ADAMTS6: variants seen among roughly 807,000 people sequenced by gnomAD.
ADAMTS6 encodes the protein ADAM metallopeptidase with thrombospondin type 1 motif 6, also known as A disintegrin and metalloproteinase with thrombospondin motifs 6.
In ADAMTS6, 23 loss-of-function variants were observed where a neutral mutation model predicts 144.3. The ratio of observed to expected loss-of-function variants is 0.16; its 90% CI spans 0.11 to 0.23. The LOEUF is 0.23. Among genes scored for constraint, ADAMTS6 ranks in the 10% least tolerant of loss-of-function variants. The pLI is 1.00. For synonymous variants in ADAMTS6, 444 were observed against 457.5 expected (o/e 0.97, Z 0.38); for missense variants, 999 against 1,379.6 (o/e 0.72, Z 4.37).
intron 7 of ADAMTS6, among the ~76,000 whole-genome samples, chr5:65,445,391 G>T (rs1249777691): frequency 6.6e-6 from 1 of 152,140 alleles, no homozygotes; most frequent in African/African-American, 2.4e-5. Flanking sequence ...AGGCTGGAGT[G>T]CAGTGGTGCA....
chr5:65,216,552 T>C (rs535816730), intron 18 of ADAMTS6, among the ~76,000 whole-genome samples: 1 of 152,164 alleles, frequency 6.6e-6, no homozygotes, highest in East Asian at 1.9e-4. Context: ...TTTTATGTAA[T>C]GTTAATTTCA....
At chr5:65,396,745 T>C (rs1430660353) in intron 7 of ADAMTS6, among the ~76,000 whole-genome samples, 2 of 152,250 alleles carry the variant, frequency 1.3e-5, no homozygotes, top group Non-Finnish European at 2.9e-5. Flanking sequence ...TATTTGCTAA[T>C]ATTTTGTTAA....
chr5:65,221,490 G>A (rs1757320640), intron 18 of ADAMTS6, among the ~76,000 whole-genome samples: 1 of 152,078 alleles, frequency 6.6e-6, no homozygotes, highest in Non-Finnish European at 1.5e-5. Context: ...TCCTCAAACT[G>A]ACAAAGGTCA....
intron 9 of ADAMTS6, among the ~76,000 whole-genome samples, chr5:65,322,585 G>C (rs1428485038): frequency 2.3e-5 from 3 of 128,844 alleles, no homozygotes; most frequent in African/African-American, 8.9e-5. Context: ...TTTTTGTAGA[G>C]ATCTTTCACC....
At chr5:65,323,865 C>T (rs1310363610) in intron 9 of ADAMTS6, among the ~76,000 whole-genome samples, 3 of 152,268 alleles carry the variant, frequency 2.0e-5, no homozygotes, top group East Asian at 3.9e-4. Flanking sequence ...TCTCTGATGG[C>T]CAGTGATGAT....
At chr5:65,232,867 A>T (rs949597581) in intron 15 of ADAMTS6, among the ~76,000 whole-genome samples, 1 of 152,184 alleles carries the variant, frequency 6.6e-6, no homozygotes, top group Non-Finnish European at 1.5e-5. Flanking sequence ...CATTACCCTA[A>T]TAACAAGCCA....
intron 12 of ADAMTS6, among the ~76,000 whole-genome samples, chr5:65,265,288 T>C (rs1761524027): frequency 6.6e-6 from 1 of 152,210 alleles, no homozygotes; most frequent in African/African-American, 2.4e-5. Flanking sequence ...ACCAATAATA[T>C]AGTATCAACC....
At chr5:65,373,037 C>T (rs1364460241) in intron 7 of ADAMTS6, among the ~76,000 whole-genome samples, 5 of 152,042 alleles carry the variant, frequency 3.3e-5, no homozygotes, top group East Asian at 1.9e-4. Context: ...AAGGCAGAAA[C>T]AAAGATGTTC....
At chr5:65,260,757 T>C in intron 13 of ADAMTS6, 94 bp from the exon 14 acceptor site, 1 of 859,648 alleles carries the variant, frequency 1.2e-6, no homozygotes, top group Non-Finnish European at 1.8e-6. Flanking sequence ...TAAAGTTTAC[T>C]TTCAAAAAAT....
intron 1 of ADAMTS6, 41 bp downstream of exon 1, chr5:65,481,302 A>T (rs1761186843): frequency 6.7e-6 from 1 of 148,466 alleles, no homozygotes; most frequent in East Asian, 2.0e-4. Context: ...TGTTGGTTTA[A>T]AAAAAAAAAG....
At chr5:65,359,099 T>G (rs1380735543) in intron 7 of ADAMTS6, among the ~76,000 whole-genome samples, 1 of 152,126 alleles carries the variant, frequency 6.6e-6, no homozygotes, top group Non-Finnish European at 1.5e-5. Context: ...ACTTACAGAA[T>G]AGGAGAAAAT....
In ADAMTS6 at chr5:65,300,090, G is replaced by T. The variant is rs141694479; in HGVS notation, c.1265C>A (p.Thr422Lys). The T allele has an allele frequency of 1.2e-6, 2 of 1,613,804 alleles. No individual in the cohort carries two copies. Among genetic ancestry groups the T allele is most frequent in the Non-Finnish European group, 1.7e-6 (2 of 1,179,956 alleles). ...NHDGIGNSCG[T>K]KGHEAAKLMA... ...AAGTTTTGCTGCTTCATGACCTTTC[G>T]TCCCACAAGAATTTCCAATTCCATC... The change falls in exon 10 of 25, where the codon ACG becomes AAG. Residue 422 changes from threonine to lysine, a missense_variant. Thr to Lys is a moderately conservative substitution (Grantham distance 78). This residue lies in a region of ADAMTS6 where 128 missense variants were observed against 249.0 expected (regional missense o/e 0.51). Coordinates refer to ENST00000381055, the MANE Select transcript of ADAMTS6 (RefSeq NM_197941.4).
chr5:65,206,838 TCACACACA>T (rs147509641), intron 20 of ADAMTS6, among the ~76,000 whole-genome samples: 22,294 of 145,048 alleles, frequency 0.15, 1,792 homozygotes, highest in African/African-American at 0.21. Flanking sequence ...TCTCTCTCTC[TCACACACA>T]CACACACACA....
intron 14 of ADAMTS6, among the ~76,000 whole-genome samples, chr5:65,252,478 T>G (rs1014433046): frequency 1.3e-5 from 2 of 151,790 alleles, no homozygotes; most frequent in African/African-American, 4.8e-5. Flanking sequence ...CCTGACCTCA[T>G]GATCCACCTG....
intron 7 of ADAMTS6, among the ~76,000 whole-genome samples, chr5:65,416,761 A>C (rs1335528966): frequency 1.3e-5 from 2 of 150,862 alleles, no homozygotes; most frequent in Non-Finnish European, 3.0e-5. Context: ...AAAAAAAAAA[A>C]AAAACCAACA....
intron 7 of ADAMTS6, 116 bp from the exon 8 acceptor site, chr5:65,334,201 A>C (rs747343685): frequency 2.6e-6 from 3 of 1,172,102 alleles, no homozygotes; most frequent in Non-Finnish European, 2.4e-6. Flanking sequence ...AATTATGAGC[A>C]ATCAACTGGA....
At chr5:65,430,549 G>C (rs993102973) in intron 7 of ADAMTS6, among the ~76,000 whole-genome samples, 9 of 152,002 alleles carry the variant, frequency 5.9e-5, no homozygotes, top group African/African-American at 1.7e-4. Context: ...AAACTTTTTT[G>C]CTCTCTCAGG....
chr5:65,310,560 T>C (rs1744396214), intron 9 of ADAMTS6, among the ~76,000 whole-genome samples: 1 of 152,184 alleles, frequency 6.6e-6, no homozygotes, highest in South Asian at 2.1e-4. Flanking sequence ...AAAATAATGG[T>C]ATAAATTGTT....
intron 7 of ADAMTS6, among the ~76,000 whole-genome samples, chr5:65,405,066 T>C (rs897184006): frequency 2.0e-5 from 3 of 152,228 alleles, no homozygotes; most frequent in African/African-American, 7.2e-5. Flanking sequence ...GATGAGTAGA[T>C]TGCAAAAATT....
Sources: gnomAD v4.1 joint callset for allele counts (sites outside exome capture counted in the v4.1 genomes callset) on GRCh38, gnomAD v4.1.1 for gene constraint, gnomAD v4.1.1 regional missense constraint, MANE v1.5 for transcripts, NCBI Gene and HGNC (gene_info 2026-07-23, HGNC 2026-07-21) for gene names.